SYNE2: variants seen among roughly 807,000 people sequenced by gnomAD.
SYNE2 encodes the protein spectrin repeat containing nuclear envelope protein 2.
A neutral mutation model predicts 856.3 loss-of-function variants in SYNE2; 431 were observed. That is an observed-to-expected ratio of 0.50 (90% CI 0.47 to 0.55). The LOEUF (loss-of-function observed/expected upper bound fraction) is 0.55. Ranked by LOEUF, SYNE2 falls within the 20% of genes least tolerant of loss-of-function variation. SYNE2 has a pLI of 0.00. For missense variants in SYNE2, 8,129 were observed against 8,023.2 expected, an observed-to-expected ratio of 1.01 and a Z score of -0.50; for synonymous variants, 2,923 against 2,872.3, an observed-to-expected ratio of 1.02 and a Z score of -0.56.
chr14:63,781,277 T>TTA (rs1887297035), intron 1 of SYNE2, among the ~76,000 whole-genome samples: 1 of 115,682 alleles, frequency 8.6e-6, no homozygotes, highest in Non-Finnish European at 1.8e-5. Context: ...AAACTCCAAC[T>TTA]CAAAAAAAAA....
intron 1 of SYNE2, among the ~76,000 whole-genome samples, chr14:63,874,564 G>A (rs1042407426): frequency 6.6e-6 from 1 of 152,118 alleles, no homozygotes; most frequent in African/African-American, 2.4e-5. Flanking sequence ...TCTCTCTTGG[G>A]AATAGCCAGA....
intron 1 of SYNE2, among the ~76,000 whole-genome samples, chr14:63,804,589 G>T (rs1333317323): frequency 6.6e-6 from 1 of 152,072 alleles, no homozygotes; most frequent in East Asian, 1.9e-4. Context: ...TGCCTCCCGG[G>T]TGCAAGCAAT....
At chr14:63,842,029 T>C (rs1020918089) in intron 1 of SYNE2, among the ~76,000 whole-genome samples, 11 of 151,786 alleles carry the variant, frequency 7.2e-5, no homozygotes, top group African/African-American at 2.7e-4. Context: ...AGAGACAGGG[T>C]TTCACCATGT....
chr14:63,940,746 C>A, intron 3 of SYNE2, 71 bp downstream of exon 3: 1 of 1,395,130 alleles, frequency 7.2e-7, no homozygotes, highest in Non-Finnish European at 1.0e-6. Flanking sequence ...GTTTTGACCC[C>A]AAGGAGGCCA....
At chr14:64,068,320 A>C (rs980066485) in intron 51 of SYNE2, among the ~76,000 whole-genome samples, 8 of 152,088 alleles carry the variant, frequency 5.3e-5, no homozygotes, top group African/African-American at 1.9e-4. Flanking sequence ...TGGAACCATT[A>C]ATCTGTTTCT....
Position 64,053,489 on chromosome 14 carries a change from T to C in SYNE2, c.9576T>C (p.Cys3192=). 6.2e-7 allele frequency: 1 copy of C among 1,614,194 alleles called. No homozygotes were observed. Among genetic ancestry groups the C allele is most frequent in the Non-Finnish European group, 8.5e-7 (1 of 1,180,032 alleles). ...IKHIQNEKDN[C]EAFQEQVWAE... is the part of the protein sequence containing the mutation. ...ATATTCAAAATGAAAAGGACAATTG[T>C]GAAGCATTTCAGGAGCAAGTTTGGG... is the stretch of plus-strand genomic sequence containing the variant. The change falls in exon 48 of 116, where the codon TGT becomes TGC. Residue 3192 remains cysteine, a synonymous_variant. Transcript: ENST00000555002.
chr14:64,160,093 C>T (rs908343985), intron 87 of SYNE2, among the ~76,000 whole-genome samples: 4 of 152,162 alleles, frequency 2.6e-5, no homozygotes, highest in African/African-American at 7.2e-5. Flanking sequence ...AAATCAACTT[C>T]GAACAAGTAA....
intron 1 of SYNE2, among the ~76,000 whole-genome samples, chr14:63,797,847 A>C (rs1887980757): frequency 6.6e-6 from 1 of 152,252 alleles, no homozygotes; most frequent in Non-Finnish European, 1.5e-5. Context: ...ACACTGAAGA[A>C]GTGAGAGATT....
intron 1 of SYNE2, among the ~76,000 whole-genome samples, chr14:63,792,206 A>G (rs963407976): frequency 1.3e-5 from 2 of 152,220 alleles, no homozygotes; most frequent in South Asian, 4.1e-4. Flanking sequence ...CATGCTGTCC[A>G]TAAGAGATAC....
At chr14:64,037,916 C>T (rs1179660274) in intron 45 of SYNE2, among the ~76,000 whole-genome samples, 1 of 150,378 alleles carries the variant, frequency 6.6e-6, no homozygotes, top group Non-Finnish European at 1.5e-5. Flanking sequence ...CCCTCCCGGA[C>T]CGGGCGGCTG....
rs1308348404 is a variant in SYNE2 at position 64,051,189 on chromosome 14, TC to T, written c.7644-367del. 3.9e-5 allele frequency among the ~76,000 whole-genome samples: 6 copies of T among 152,286 alleles called. No individual in the cohort carries two copies. In the East Asian group the frequency reaches 1.2e-3, roughly 29 times the overall value. ...GGGGGTTGGATATTATGGCAATATC[TC>T]TCATTCCTAGACTAACCTTTATACA... is the stretch of plus-strand genomic sequence containing the variant. On this transcript the variant is annotated intron_variant, in intron 47 of 115. Transcript: ENST00000555002.
intron 1 of SYNE2, among the ~76,000 whole-genome samples, chr14:63,860,576 A>G (rs1893280801): frequency 1.3e-5 from 2 of 152,130 alleles, no homozygotes; most frequent in African/African-American, 4.8e-5. Flanking sequence ...TCAATCTGAG[A>G]TTTGGTGCTT....
At chr14:63,985,098 G>A (rs937305503) in intron 18 of SYNE2, among the ~76,000 whole-genome samples, 6 of 152,212 alleles carry the variant, frequency 3.9e-5, no homozygotes, top group Non-Finnish European at 5.9e-5. Context: ...GGAAGGCCAA[G>A]GCAGGCAGAT....
chr14:63,976,860 G>A, intron 12 of SYNE2, 133 bp downstream of exon 12: 1 of 930,568 alleles, frequency 1.1e-6, no homozygotes, highest in Non-Finnish European at 1.7e-6. Context: ...GATTCCTCTG[G>A]GGATTTTTGG....
intron 62 of SYNE2, 62 bp from the exon 63 acceptor site, chr14:64,098,685 T>C: frequency 6.4e-7 from 1 of 1,558,448 alleles, no homozygotes; most frequent in East Asian, 2.2e-5. Context: ...GCAGCTGGAC[T>C]GGGATCTTGG....
chr14:64,100,758 C>G (rs924296909), intron 63 of SYNE2, among the ~76,000 whole-genome samples: 2 of 150,446 alleles, frequency 1.3e-5, no homozygotes, highest in Non-Finnish European at 3.0e-5. Flanking sequence ...ACAAAAGATC[C>G]CTTGAACTTA....
chr14:64,135,755 G>A (rs1399610516), intron 78 of SYNE2, among the ~76,000 whole-genome samples: 1 of 152,122 alleles, frequency 6.6e-6, no homozygotes, highest in African/African-American at 2.4e-5. Context: ...AAATAAATTT[G>A]CCAGACTAAA....
At chr14:63,812,561 T>C (rs1446210271) in intron 1 of SYNE2, among the ~76,000 whole-genome samples, 3 of 152,200 alleles carry the variant, frequency 2.0e-5, no homozygotes, top group African/African-American at 7.2e-5. Context: ...AAAATATTAA[T>C]TTTGGGAACT....
chr14:64,122,341 G>A lies in SYNE2; in HGVS notation c.13336G>A (p.Gly4446Ser), dbSNP rs1057520190. Residue 4446 changes from glycine to serine, a missense_variant, in exon 70 of 116, where the codon GGC becomes AGC. Physicochemically the swap from Gly to Ser is moderately conservative, Grantham distance 56. This residue lies in a region of SYNE2 where 5,410 missense variants were observed against 5,284.8 expected (regional missense o/e 1.02). Coordinates refer to ENST00000555002, the MANE Select transcript of SYNE2 (RefSeq NM_182914.3). ...DVPDSILSPQ[G>S]QNGDKWQYLH... ...TCCAGACTCGATCTTGTCACCCCAG[G>A]GCCAAAATGGAGATAAGTGGCAATA... The A allele has an allele frequency of 5.0e-6, 8 of 1,613,908 alleles. No individual in the cohort carries two copies. Among genetic ancestry groups the A allele is most frequent in the South Asian group, 3.3e-5 (3 of 91,076 alleles).
Sources: gnomAD v4.1 joint callset for allele counts (sites outside exome capture counted in the v4.1 genomes callset) on GRCh38, gnomAD v4.1.1 for gene constraint, gnomAD v4.1.1 regional missense constraint, MANE v1.5 for transcripts, NCBI Gene and HGNC (gene_info 2026-07-23, HGNC 2026-07-21) for gene names.